SLC9A2: variants seen among roughly 807,000 people sequenced by gnomAD.
SLC9A2 encodes the protein sodium/hydrogen exchanger 2.
In SLC9A2, 42 loss-of-function variants were observed where a neutral mutation model predicts 71.7. The ratio of observed to expected loss-of-function variants is 0.59; its 90% CI spans 0.46 to 0.76. SLC9A2 has a LOEUF of 0.76. SLC9A2 is among the 30% of genes least tolerant of loss of function. The probability of loss-of-function intolerance (pLI) is 0.00; values close to 1 mark genes in which losing one functional copy is unlikely to be tolerated. For synonymous variants in SLC9A2, 396 were observed against 392.5 expected (o/e 1.01, Z -0.10); for missense variants, 829 against 1,017.4 (o/e 0.81, Z 2.52).
chr2:102,684,010 A>T (rs1019071870), intron 4 of SLC9A2, 124 bp from the exon 5 acceptor site: 3 of 685,970 alleles, frequency 4.4e-6, no homozygotes, highest in Admixed American at 5.5e-5. Flanking sequence ...GAAAAAGGGG[A>T]AAGACTTTGG....
intron 1 of SLC9A2, among the ~76,000 whole-genome samples, chr2:102,633,404 C>G (rs761995255): frequency 6.6e-6 from 1 of 152,054 alleles, no homozygotes; most frequent in African/African-American, 2.4e-5. Context: ...CACACTTTAC[C>G]CACTCTTAAC....
intron 5 of SLC9A2, among the ~76,000 whole-genome samples, chr2:102,693,438 T>C (rs1164052194): frequency 1.3e-5 from 2 of 152,224 alleles, no homozygotes; most frequent in African/African-American, 2.4e-5. Flanking sequence ...ATGCTTATAA[T>C]GTTTCATTTT....
At chr2:102,691,999 A>G (rs999426009) in intron 5 of SLC9A2, among the ~76,000 whole-genome samples, 4 of 152,226 alleles carry the variant, frequency 2.6e-5, no homozygotes, top group Admixed American at 6.5e-5. Flanking sequence ...TAAAATTTAC[A>G]TTGATTTTGT....
intron 3 of SLC9A2, among the ~76,000 whole-genome samples, chr2:102,666,132 C>T (rs1353298092): frequency 1.5e-5 from 2 of 132,974 alleles, no homozygotes; most frequent in Non-Finnish European, 3.4e-5. Context: ...TTTGGGATAA[C>T]AGCTTAGTCA....
chr2:102,644,424 T>TC (rs1007700756), intron 1 of SLC9A2, among the ~76,000 whole-genome samples: 14 of 151,186 alleles, frequency 9.3e-5, no homozygotes, highest in South Asian at 2.1e-4. Flanking sequence ...TGCAGGAGGC[T>TC]CCCCCCCGCC....
intron 1 of SLC9A2, among the ~76,000 whole-genome samples, chr2:102,649,993 T>C: frequency 6.6e-6 from 1 of 152,226 alleles, no homozygotes; most frequent in Non-Finnish European, 1.5e-5. Flanking sequence ...TTACAAATCA[T>C]TGTACTATAA....
intron 1 of SLC9A2, among the ~76,000 whole-genome samples, chr2:102,650,115 T>C (rs999765597): frequency 1.3e-5 from 2 of 152,136 alleles, no homozygotes; most frequent in African/African-American, 4.8e-5. Context: ...GTGGCACATA[T>C]ACACCATGGA....
intron 5 of SLC9A2, among the ~76,000 whole-genome samples, chr2:102,687,200 G>A (rs569756328): frequency 6.6e-5 from 10 of 152,126 alleles, no homozygotes; most frequent in Admixed American, 3.3e-4. Context: ...CGGAGACTGC[G>A]TGCATATTGC....
intron 2 of SLC9A2, among the ~76,000 whole-genome samples, chr2:102,660,496 G>A (rs1170669445): frequency 6.6e-6 from 1 of 152,198 alleles, no homozygotes; most frequent in Non-Finnish European, 1.5e-5. Context: ...TCGCTGAATT[G>A]TCTGAGTACT....
intron 3 of SLC9A2, among the ~76,000 whole-genome samples, chr2:102,678,328 TAA>T (rs11412239): frequency 2.1e-5 from 3 of 142,840 alleles, no homozygotes; most frequent in African/African-American, 7.7e-5. Flanking sequence ...TATGGAAAAT[TAA>T]AAAAAAAAAA....
intron 6 of SLC9A2, 107 bp from the exon 7 acceptor site, chr2:102,694,933 TAAG>T (rs918456707): frequency 3.2e-5 from 27 of 856,018 alleles, no homozygotes; most frequent in African/African-American, 8.5e-5. Flanking sequence ...AATAAACAAA[TAAG>T]AAGCAAAAGC....
chr2:102,648,802 A>G (rs981510448), intron 1 of SLC9A2, among the ~76,000 whole-genome samples: 5 of 152,116 alleles, frequency 3.3e-5, no homozygotes, highest in South Asian at 2.1e-4. Context: ...TCTTCAAGAT[A>G]ACTACAGACC....
At chr2:102,637,934 G>A (rs530129494) in intron 1 of SLC9A2, among the ~76,000 whole-genome samples, 10 of 152,332 alleles carry the variant, frequency 6.6e-5, no homozygotes, top group Middle Eastern at 3.4e-3. Context: ...GAGGGGTTAC[G>A]GGGAGCAAGC....
At chr2:102,637,584 C>G (rs1264994485) in intron 1 of SLC9A2, among the ~76,000 whole-genome samples, 1 of 152,058 alleles carries the variant, frequency 6.6e-6, no homozygotes, top group African/African-American at 2.4e-5. Flanking sequence ...TCAGCTGCCT[C>G]CAGTGAAAAA....
chr2:102,634,959 G>A (rs1396269291), intron 1 of SLC9A2, among the ~76,000 whole-genome samples: 2 of 152,116 alleles, frequency 1.3e-5, no homozygotes, highest in East Asian at 1.9e-4. Context: ...TCTCCTCTGT[G>A]TTATCAGGGT....
chr2:102,654,191 G>GA (rs954024119), intron 1 of SLC9A2, among the ~76,000 whole-genome samples: 3 of 137,258 alleles, frequency 2.2e-5, no homozygotes, highest in African/African-American at 8.7e-5. Flanking sequence ...GCTGTTGGCT[G>GA]ACTCTTTTTT....
At chr2:102,622,232 T>C (rs922361994) in intron 1 of SLC9A2, among the ~76,000 whole-genome samples, 2 of 152,130 alleles carry the variant, frequency 1.3e-5, no homozygotes, top group Non-Finnish European at 2.9e-5. Context: ...GGAGTGGCGG[T>C]ATTAATACTC....
chr2:102,647,114 C>A (rs1393081456), intron 1 of SLC9A2, among the ~76,000 whole-genome samples: 1 of 152,178 alleles, frequency 6.6e-6, no homozygotes, highest in African/African-American at 2.4e-5. Flanking sequence ...CAATCCATTT[C>A]TCAGACCACA....
Position 102,646,768 on chromosome 2 carries a change from A to ATATATATATATATATATATATATATAT in SLC9A2, c.290-10796_290-10795insTATATATATATATATATATATATATAT, listed in dbSNP as rs1676731084. Among the ~76,000 whole-genome samples, 8 of 132,978 alleles carry ATATATATATATATATATATATATATAT rather than the reference A, an allele frequency of 6.0e-5. 1 individual carries two copies. Among genetic ancestry groups the ATATATATATATATATATATATATATAT allele is most frequent in the African/African-American group, 2.5e-4 (8 of 32,102 alleles). 87.2% of individuals were successfully genotyped at this position (132,978 alleles called of 152,430 possible). The stretch of plus-strand genomic sequence containing the variant: ...GCAGCAAGAAGAGCTAACGATCCTA[A>ATATATATATATATATATATATATATAT]ATATATATATATATATATATATCTC... On this transcript the variant is annotated intron_variant, in intron 1 of 11. Transcript: ENST00000233969.
Sources: gnomAD v4.1 joint callset for allele counts (sites outside exome capture counted in the v4.1 genomes callset) on GRCh38, gnomAD v4.1.1 for gene constraint, MANE v1.5 for transcripts, NCBI Gene and HGNC (gene_info 2026-07-23, HGNC 2026-07-21) for gene names.